The following AREG variants were observed in gnomAD, a reference collection of about 807,000 sequenced individuals.
The protein encoded by AREG is amphiregulin B.
AREG carries 16 observed loss-of-function variants against 28.0 expected under a neutral mutation model. That is an observed-to-expected ratio of 0.57 (90% CI 0.39 to 0.87). AREG has a LOEUF of 0.87. Among genes scored for constraint, AREG ranks in the 40% least tolerant of loss-of-function variants. The pLI, the probability that AREG is intolerant of heterozygous loss-of-function variation, is 0.00. For synonymous variants in AREG, 113 were observed against 113.5 expected, an observed-to-expected ratio of 1.00 and a Z score of 0.02; for missense variants, 287 against 309.1, an observed-to-expected ratio of 0.93 and a Z score of 0.53.
At chr4:74,445,826 C>T (rs913622498) in intron 1 of AREG, among the ~76,000 whole-genome samples, 23 of 152,148 alleles carry the variant, frequency 1.5e-4, no homozygotes, top group African/African-American at 4.8e-4. Flanking sequence ...TAGAGTATCC[C>T]GGCGAGAGGT....
At position 74,446,682 on chromosome 4, in the gene AREG, T is replaced by G; in HGVS notation, c.210T>G (p.Pro70=). 5 of 1,613,950 alleles carry G rather than the reference T, an allele frequency of 3.1e-6. No homozygotes were observed. Among genetic ancestry groups the G allele is most frequent in the African/African-American group, 1.3e-5 (1 of 75,034 alleles). The change falls in exon 2 of 6, where the codon CCT becomes CCG. Residue 70 remains proline, a synonymous_variant. Transcript: ENST00000395748. ...GSEISPVSEM[P]SSSEPSSGAD... ...AGATTTCCCCTGTGAGTGAAATGCC[T>G]TCTAGTAGTGAACCGTCCTCGGGAG... is the stretch of plus-strand genomic sequence containing the variant.
rs772908595 is a variant in AREG at position 74,445,391 on chromosome 4, T to G, written c.46T>G (p.Leu16Val). ...GCCGGCGCCGGTGGTGCTGTCGCTC[T>G]TGATACTCGGCTCAGGTGAGGATTC... ...LPPAPVVLSL[L>V]ILGSGHYAAG... The change falls in exon 1 of 6, where the codon TTG becomes GTG. Residue 16 changes from leucine (L) to valine (V), a missense_variant. By Grantham distance (32) the Leu-to-Val change is conservative. Transcript: ENST00000395748. 1 of 1,610,618 alleles carries G rather than the reference T, an allele frequency of 6.2e-7. No individual in the cohort carries two copies. Among genetic ancestry groups the G allele is most frequent in the Non-Finnish European group, 8.5e-7 (1 of 1,179,096 alleles).
chr4:74,445,366 G>A lies in AREG; in HGVS notation c.21G>A (p.Pro7=). The A allele has an allele frequency of 6.2e-7, 1 of 1,610,772 alleles. No homozygotes were observed. The highest frequency in any genetic ancestry group is 8.5e-7 in the Non-Finnish European group (1 of 1,179,432). Reference sequence around the variant, plus strand: ...GACCAATGAGAGCCCCGCTGCTACCGCCGGCGCCGGTGGTGCTGTCGCTCT... The same window carrying A: ...GACCAATGAGAGCCCCGCTGCTACCACCGGCGCCGGTGGTGCTGTCGCTCT... MRAPLL[P]PAPVVLSLLI... The change falls in exon 1 of 6, where the codon CCG becomes CCA. Residue 7 remains proline (P), a synonymous_variant. Transcript: ENST00000395748.
chr4:74,449,351 C>CAGTA (rs1475840575), intron 3 of AREG, 103 bp downstream of exon 3: 1 of 1,564,540 alleles, frequency 6.4e-7, no homozygotes, highest in African/African-American at 1.4e-5. Context: ...AACCAAGGGT[C>CAGTA]AGTAAACTTT....
At chr4:74,446,227 A>G (rs979144261) in intron 1 of AREG, among the ~76,000 whole-genome samples, 11 of 152,252 alleles carry the variant, frequency 7.2e-5, no homozygotes, top group African/African-American at 2.4e-4. Flanking sequence ...ATTTTTAGAC[A>G]TTACCCATCA....
At chr4:74,448,949 C>T (rs1719336572) in intron 2 of AREG, 98 bp from the exon 3 acceptor site, 2 of 1,520,294 alleles carry the variant, frequency 1.3e-6, no homozygotes, top group South Asian at 1.2e-5. Flanking sequence ...ATGGCTGTTA[C>T]CCCTGTGAGC....
Position 74,454,827 on chromosome 4 carries a change from A to C in AREG, c.*87A>C, listed in dbSNP as rs1560615665. 2.9e-6 allele frequency: 2 copies of C among 700,348 alleles called. No homozygotes were observed. The highest frequency in any genetic ancestry group is 2.0e-5 in the Admixed American group (1 of 49,958). 43.4% of individuals were successfully genotyped at this position (700,348 alleles called of 1,614,324 possible). On this transcript the variant is annotated 3_prime_UTR_variant, in exon 6 of 6. Transcript: ENST00000395748. ...GAGTCGGTCCTCTTTCCAGTGGATC[A>C]TAAGACAATGGACCCTTTTTGTTAT...
chr4:74,448,406 T>C (rs1719326279), intron 2 of AREG, among the ~76,000 whole-genome samples: 1 of 152,270 alleles, frequency 6.6e-6, no homozygotes, highest in Non-Finnish European at 1.5e-5. Context: ...ACTATGTTTC[T>C]AATGTTTTGT....
intron 5 of AREG, among the ~76,000 whole-genome samples, 155 bp downstream of exon 5, chr4:74,452,810 A>G (rs1351770579): frequency 6.6e-6 from 1 of 152,192 alleles, no homozygotes; most frequent in Non-Finnish European, 1.5e-5. Flanking sequence ...TATAAGATGG[A>G]ATTCAATGTT....
intron 5 of AREG, among the ~76,000 whole-genome samples, chr4:74,454,383 T>C (rs1719426638): frequency 6.6e-6 from 1 of 152,246 alleles, no homozygotes; most frequent in South Asian, 2.1e-4. Flanking sequence ...AAATTAACTA[T>C]ATATCATAAA....
intron 1 of AREG, 67 bp downstream of exon 1, chr4:74,445,473 G>T (rs548689658): frequency 3.8e-6 from 6 of 1,560,598 alleles, no homozygotes; most frequent in Non-Finnish European, 5.2e-6. Context: ...CTTGAGTTTG[G>T]CTCTTGCTTC....
At chr4:74,452,497 T>C (rs1275193386) in intron 4 of AREG, 47 bp from the exon 5 acceptor site, 53 of 1,610,306 alleles carry the variant, frequency 3.3e-5, no homozygotes, top group Admixed American at 1.2e-4. Flanking sequence ...ATCAAACATA[T>C]AGATGAATAG....
In AREG at chr4:74,450,410, T is replaced by A; in HGVS notation, c.543T>A (p.Cys181Ter). Reference protein sequence around the residue: ...KCQQEYFGERCGEKSMKTHSM... With the variant: ...KCQQEYFGER ...AGCAAGAATATTTCGGTGAACGGTGTGGGGAAAAGTCCATGAAAACTCACA... is the reference window on the plus strand; with the variant it reads ...AGCAAGAATATTTCGGTGAACGGTGAGGGGAAAAGTCCATGAAAACTCACA... The change falls in exon 4 of 6, where the codon TGT (cysteine) becomes TGA (stop). Residue 181 changes from cysteine to a stop codon, truncating the protein, a stop_gained. Coordinates refer to ENST00000395748, the MANE Select transcript of AREG (RefSeq NM_001657.4). LOFTEE classifies it high-confidence loss of function. 2 of 1,613,942 alleles carry A rather than the reference T, an allele frequency of 1.2e-6. No individual in the cohort carries two copies.
chr4:74,449,308 A>T, intron 3 of AREG, 60 bp downstream of exon 3: 2 of 1,607,134 alleles, frequency 1.2e-6, no homozygotes, highest in South Asian at 2.2e-5. Context: ...GAAACCCCTA[A>T]CTGCAGGAAA....
chr4:74,446,142 C>T (rs1033575789), intron 1 of AREG, among the ~76,000 whole-genome samples: 2 of 152,080 alleles, frequency 1.3e-5, no homozygotes, highest in Non-Finnish European at 2.9e-5. Flanking sequence ...ATATTTGTAT[C>T]TAAAACCTAC....
chr4:74,446,884 T>G, intron 2 of AREG, 102 bp downstream of exon 2: 2 of 1,571,490 alleles, frequency 1.3e-6, no homozygotes, highest in Non-Finnish European at 1.7e-6. Context: ...CTAGTGGCTT[T>G]ATTGTATATC....
At chr4:74,453,268 T>C (rs1487808168) in intron 5 of AREG, among the ~76,000 whole-genome samples, 2 of 152,174 alleles carry the variant, frequency 1.3e-5, no homozygotes, top group East Asian at 3.8e-4. Flanking sequence ...GCACTGATAA[T>C]GTGAGGGCAT....
At chr4:74,453,650 T>C (rs1197827768) in intron 5 of AREG, among the ~76,000 whole-genome samples, 2 of 152,198 alleles carry the variant, frequency 1.3e-5, no homozygotes, top group African/African-American at 2.4e-5. Context: ...CTCAGGCCTG[T>C]AATCCCAGCA....
chr4:74,446,975 G>A (rs979173973), intron 2 of AREG, among the ~76,000 whole-genome samples, 193 bp downstream of exon 2: 1 of 152,102 alleles, frequency 6.6e-6, no homozygotes, highest in African/African-American at 2.4e-5. Flanking sequence ...GATCATAAAT[G>A]GTGTATGTCT....
Sources: gnomAD v4.1 joint callset for allele counts (sites outside exome capture counted in the v4.1 genomes callset) on GRCh38, gnomAD v4.1.1 for gene constraint, MANE v1.5 for transcripts, NCBI Gene and HGNC (gene_info 2026-07-23, HGNC 2026-07-21) for gene names.